Variants in NR5A2 observed in about 807,000 individuals in gnomAD.
NR5A2 encodes nuclear receptor subfamily 5 group A member 2.
Under a neutral mutation model 62.7 loss-of-function variants are expected in NR5A2, and 26 were observed. The observed-to-expected ratio is 0.41, with a 90% CI of 0.30 to 0.58. The LOEUF is 0.58. NR5A2 is among the 20% of genes least tolerant of loss of function. NR5A2 has a pLI of 0.22. For synonymous variants in NR5A2, 246 were observed against 241.7 expected (o/e 1.02, Z -0.16); for missense variants, 541 against 669.1 (o/e 0.81, Z 2.11).
chr1:200,114,410 C>G (rs1666122483), intron 6 of NR5A2, among the ~76,000 whole-genome samples: 1 of 152,082 alleles, frequency 6.6e-6, no homozygotes, highest in Non-Finnish European at 1.5e-5. Flanking sequence ...AGTATATTTT[C>G]TTCACTAGTG....
At chr1:200,072,366 G>A (rs2102217598) in intron 5 of NR5A2, among the ~76,000 whole-genome samples, 1 of 152,176 alleles carries the variant, frequency 6.6e-6, no homozygotes, top group East Asian at 1.9e-4. Context: ...TGGTGGGTTG[G>A]CTATAATAGC....
chr1:200,162,428 G>A (rs1653684161), intron 7 of NR5A2, among the ~76,000 whole-genome samples: 1 of 152,160 alleles, frequency 6.6e-6, no homozygotes, highest in African/African-American at 2.4e-5. Context: ...GGTGGGTGGG[G>A]TGAAATAAAA....
chr1:200,049,397 T>A (rs909143893), intron 5 of NR5A2, among the ~76,000 whole-genome samples: 1 of 152,196 alleles, frequency 6.6e-6, no homozygotes, highest in African/African-American at 2.4e-5. Context: ...TGTCATTGGA[T>A]GGGGAATGGG....
chr1:200,115,668 C>A (rs1239365593), intron 6 of NR5A2, among the ~76,000 whole-genome samples: 1 of 152,060 alleles, frequency 6.6e-6, no homozygotes, highest in Non-Finnish European at 1.5e-5. Flanking sequence ...TTAATGACTG[C>A]CCTTTGCATA....
At position 200,039,153 on chromosome 1, in the gene NR5A2, A is replaced by G. The variant is rs942594060; in HGVS notation, c.65-505A>G. Among the ~76,000 whole-genome samples, 27 of 151,952 alleles carry G rather than the reference A, an allele frequency of 1.8e-4. 1 individual carries two copies. Among genetic ancestry groups the G allele is most frequent in the African/African-American group, 2.4e-5 (1 of 41,392 alleles). ...GATAGTGAGCAAGAGAGAGGCAGAG[A>G]GAGATAGGGGGAAGGGGCGGAGAGG... On this transcript the variant is annotated intron_variant, in intron 1 of 7. Coordinates refer to ENST00000367362, the MANE Select transcript of NR5A2 (RefSeq NM_205860.3). The surrounding 1 kb of genome is among the most constrained non-coding windows in gnomAD (Gnocchi z 5.1).
chr1:200,044,025 T>A (rs1662244015), intron 3 of NR5A2, 133 bp downstream of exon 3: 2 of 580,924 alleles, frequency 3.4e-6, no homozygotes, highest in Admixed American at 3.2e-5. Flanking sequence ...AGAGAGAGTC[T>A]TAGGGAGATG....
In NR5A2 at chr1:200,039,234, G is replaced by A. The variant is rs1661930989; in HGVS notation, c.65-424G>A. Reference sequence around the variant, plus strand: ...GGAGAGAGACCCCTGCCGATCCTGAGCCAGAGGGCGGTGGAGGGAGGGGAA... The same window carrying A: ...GGAGAGAGACCCCTGCCGATCCTGAACCAGAGGGCGGTGGAGGGAGGGGAA... On this transcript the variant is annotated intron_variant, in intron 1 of 7. Transcript: ENST00000367362. The surrounding 1 kb of genome is among the most constrained non-coding windows in gnomAD (Gnocchi z 5.1). 6.6e-6 allele frequency among the ~76,000 whole-genome samples: 1 copy of A among 152,150 alleles called. No homozygotes were observed. Among genetic ancestry groups the A allele is most frequent in the African/African-American group, 2.4e-5 (1 of 41,450 alleles).
intron 7 of NR5A2, among the ~76,000 whole-genome samples, chr1:200,165,661 T>A (rs1558179062): frequency 6.6e-6 from 1 of 152,192 alleles, no homozygotes; most frequent in African/African-American, 2.4e-5. Context: ...GTTTCCTCCA[T>A]GTCTTTTCAT....
At chr1:200,035,733 T>G (rs866035963) in intron 1 of NR5A2, among the ~76,000 whole-genome samples, 6 of 152,046 alleles carry the variant, frequency 3.9e-5, no homozygotes, top group Non-Finnish European at 8.8e-5. Flanking sequence ...TCCTTCGTAA[T>G]TGCAACCGTC....
intron 5 of NR5A2, among the ~76,000 whole-genome samples, chr1:200,051,736 T>G (rs1168590946): frequency 1.3e-5 from 2 of 152,214 alleles, no homozygotes; most frequent in African/African-American, 2.4e-5. Flanking sequence ...AGGTGACTAT[T>G]GACATTTGGA....
At chr1:200,054,788 A>G (rs1217633755) in intron 5 of NR5A2, among the ~76,000 whole-genome samples, 1 of 152,162 alleles carries the variant, frequency 6.6e-6, no homozygotes, top group African/African-American at 2.4e-5. Flanking sequence ...TTAACATTCT[A>G]GATCCTTTTT....
chr1:200,076,786 A>G (rs992697244), intron 5 of NR5A2, among the ~76,000 whole-genome samples: 1 of 152,200 alleles, frequency 6.6e-6, no homozygotes, highest in Non-Finnish European at 1.5e-5. Flanking sequence ...ATAAACATTA[A>G]GTAGAAACAT....
At chr1:200,095,343 G>C (rs1192682519) in intron 5 of NR5A2, among the ~76,000 whole-genome samples, 1 of 152,094 alleles carries the variant, frequency 6.6e-6, no homozygotes, top group Non-Finnish European at 1.5e-5. Flanking sequence ...TTGAACTGCT[G>C]TGTTCAGCCT....
chr1:200,117,556 G>A (rs1475569102), intron 6 of NR5A2, among the ~76,000 whole-genome samples: 2 of 152,026 alleles, frequency 1.3e-5, no homozygotes, highest in Non-Finnish European at 2.9e-5. Flanking sequence ...TTTCACATAT[G>A]AAATTCTTGT....
At chr1:200,100,234 A>G (rs970543430) in intron 5 of NR5A2, among the ~76,000 whole-genome samples, 3 of 152,238 alleles carry the variant, frequency 2.0e-5, no homozygotes, top group African/African-American at 7.2e-5. Context: ...AATCTACTTT[A>G]AAATATTTCT....
chr1:200,150,512 C>G (rs1433175429), intron 7 of NR5A2, among the ~76,000 whole-genome samples: 1 of 152,114 alleles, frequency 6.6e-6, no homozygotes, highest in Admixed American at 6.5e-5. Flanking sequence ...AAACAATGCT[C>G]AAAGCTCCAG....
chr1:200,107,552 T>G (rs1419564232), intron 5 of NR5A2, among the ~76,000 whole-genome samples: 1 of 152,208 alleles, frequency 6.6e-6, no homozygotes, highest in East Asian at 1.9e-4. Flanking sequence ...TTCCTGCAAT[T>G]TTTAGAGAAG....
At position 200,147,750 on chromosome 1, in the gene NR5A2, G is replaced by A; in HGVS notation, c.1379-26213G>A. 2 of 537,152 alleles carry A rather than the reference G, an allele frequency of 3.7e-6. No homozygotes were observed. The highest frequency in any genetic ancestry group is 3.9e-5 in the East Asian group (1 of 25,368). The allele number at this position is 537,152 out of a possible 1,614,324, so 33.3% of individuals were successfully genotyped here. A position where few individuals can be genotyped will look rare whatever the true frequency, so the allele number is the denominator to read the frequency against. ...CCTCTCCCACGTCCACGGTGAAGAC[G>A]CGGATGCCGGCGCGAATGCCGGCAC... On this transcript the variant is annotated intron_variant, in intron 7 of 7. Coordinates refer to ENST00000367362, the MANE Select transcript of NR5A2 (RefSeq NM_205860.3). This position sits in a 1 kb window ranked among gnomAD's most constrained non-coding sequence, Gnocchi z 4.9.
intron 2 of NR5A2, among the ~76,000 whole-genome samples, chr1:200,041,439 G>T (rs1185101986): frequency 6.6e-6 from 1 of 152,290 alleles, no homozygotes; most frequent in Admixed American, 6.5e-5. Context: ...TGCCTGTCGG[G>T]AGGAGCCCCT....
Sources: gnomAD v4.1 joint callset for allele counts (sites outside exome capture counted in the v4.1 genomes callset) on GRCh38, gnomAD v4.1.1 for gene constraint, Gnocchi (gnomAD v3.1) non-coding constraint, MANE v1.5 for transcripts, NCBI Gene and HGNC (gene_info 2026-07-23, HGNC 2026-07-21) for gene names.